The following COL20A1 variants were observed in gnomAD, a reference collection of about 807,000 sequenced individuals.
COL20A1 encodes collagen type XX alpha 1 chain, also known as collagen alpha-1(XX) chain.
In COL20A1, 164 loss-of-function variants were observed where a neutral mutation model predicts 152.9. That is an observed-to-expected ratio of 1.07 (90% CI 0.94 to 1.22). The LOEUF (loss-of-function observed/expected upper bound fraction) is 1.22, where lower values mean the gene tolerates loss of function less well. Ranked by LOEUF, COL20A1 falls within the 50% of genes most tolerant of loss-of-function variation. COL20A1 has a pLI of 0.00. For synonymous variants in COL20A1, 864 were observed against 756.0 expected, an observed-to-expected ratio of 1.14 and a Z score of -2.34; for missense variants, 1,873 against 1,744.8, an observed-to-expected ratio of 1.07 and a Z score of -1.31.
In COL20A1 at chr20:63,313,571, G is replaced by A. The variant is rs2068044916; in HGVS notation, c.2210-172G>A. Among the ~76,000 whole-genome samples, 1 of 152,116 alleles carries A rather than the reference G, an allele frequency of 6.6e-6. No homozygotes were observed. Among genetic ancestry groups the A allele is most frequent in the Admixed American group, 6.5e-5 (1 of 15,272 alleles). On this transcript the variant is annotated intron_variant, in intron 17 of 35. Transcript: ENST00000358894. This position sits in a 1 kb window ranked among gnomAD's most constrained non-coding sequence, Gnocchi z 5.9. ...TGGGGTGCGGTGTGGGCAGTGGCAG[G>A]GGTGTGGTGTGGTTGTGCCAGGGGG...
chr20:63,326,148 G>A lies in COL20A1; in HGVS notation c.3455G>A (p.Arg1152Lys). ...TAGLPGPPGP[R>K]GFQGMAGARG... Reference sequence around the variant, plus strand: ...GGCCTGCCTGGACCCCCTGGCCCCAGGGTAGGCACCGACCTCCCATGACCC... The same window carrying A: ...GGCCTGCCTGGACCCCCTGGCCCCAAGGTAGGCACCGACCTCCCATGACCC... The change falls in exon 30 of 36, where the codon AGG becomes AAG. Residue 1152 changes from arginine to lysine, a missense_variant and splice_region_variant. Arg to Lys is a conservative substitution (Grantham distance 26, BLOSUM62 2). Coordinates refer to ENST00000358894, the MANE Select transcript of COL20A1 (RefSeq NM_020882.4). 1 of 1,611,788 alleles carries A rather than the reference G, an allele frequency of 6.2e-7. No individual in the cohort carries two copies. Among genetic ancestry groups the A allele is most frequent in the South Asian group, 1.1e-5 (1 of 91,056 alleles).
intron 9 of COL20A1, 80 bp downstream of exon 9, chr20:63,309,577 C>A: frequency 7.4e-7 from 1 of 1,357,834 alleles, no homozygotes; most frequent in South Asian, 1.5e-5. Flanking sequence ...CTGTGGCTCC[C>A]GTGTGGTACC....
chr20:63,327,620 C>A (rs568181497), intron 31 of COL20A1: 4 of 351,672 alleles, frequency 1.1e-5, no homozygotes, highest in African/African-American at 8.3e-5. Context: ...GACCCGGGCC[C>A]GGGGCCCGGG....
At position 63,319,339 on chromosome 20, in the gene COL20A1, G is replaced by A. The variant is rs987191639; in HGVS notation, c.2806+139G>A. On this transcript the variant is annotated intron_variant, in intron 22 of 35. Transcript: ENST00000358894. This position sits in a 1 kb window ranked among gnomAD's most constrained non-coding sequence, Gnocchi z 4.4. ...CCTCTGGGTGGGAGGCAGGTGTCCC[G>A]GGCAGGGGGCTGTGGGCCACATTGA... 4.8e-5 allele frequency: 54 copies of A among 1,119,984 alleles called. No individual in the cohort carries two copies. Among genetic ancestry groups the A allele is most frequent in the African/African-American group, 6.3e-5 (4 of 63,912 alleles). 69.4% of individuals were successfully genotyped at this position (1,119,984 alleles called of 1,614,324 possible). A position where few individuals can be genotyped will look rare whatever the true frequency, so the allele number is the denominator to read the frequency against.
Position 63,333,830 on chromosome 20 carries a change from T to C in COL20A1, c.*3114T>C, listed in dbSNP as rs1306871098. The stretch of plus-strand genomic sequence containing the variant: ...TGTAGAGGAGCCTGCCCCGATGCCA[T>C]CTGCACCTGGGGGGCGACGTATGGC... On this transcript the variant is annotated 3_prime_UTR_variant, in exon 36 of 36. Transcript: ENST00000358894. 1.3e-5 allele frequency: 2 copies of C among 152,340 alleles called. No individual in the cohort carries two copies. The highest frequency in any genetic ancestry group is 2.4e-5 in the African/African-American group (1 of 41,434). 9.4% of individuals were successfully genotyped at this position (152,340 alleles called of 1,614,324 possible). A position where few individuals can be genotyped will look rare whatever the true frequency, so the allele number is the denominator to read the frequency against.
At chr20:63,328,922 G>C (rs1284427278) in intron 34 of COL20A1, among the ~76,000 whole-genome samples, 2 of 149,454 alleles carry the variant, frequency 1.3e-5, no homozygotes, top group Non-Finnish European at 3.0e-5. Flanking sequence ...GCAGGCTCCC[G>C]TGACCTTGTT....
At position 63,315,404 on chromosome 20, in the gene COL20A1, C is replaced by T; in HGVS notation, c.2489C>T (p.Ala830Val). The T allele has an allele frequency of 6.3e-7, 1 of 1,575,396 alleles. No homozygotes were observed. Residue 830 changes from alanine to valine, a missense_variant and splice_region_variant, in exon 20 of 36, where the codon GCC (alanine) becomes GTC (valine). Ala to Val is a moderately conservative substitution (Grantham distance 64). Coordinates refer to ENST00000358894, the MANE Select transcript of COL20A1 (RefSeq NM_020882.4). ...SEAVSATGQT[A>V]CPALRPDGSL... Reference sequence around the variant, plus strand: ...CACTGACCCTGTCTCCTCTCAGCAGCCTGCCCAGCCCTCCGCCCTGACGGC... The same window carrying T: ...CACTGACCCTGTCTCCTCTCAGCAGTCTGCCCAGCCCTCCGCCCTGACGGC...
At position 63,297,914 on chromosome 20, in the gene COL20A1, C is replaced by G; in HGVS notation, c.87C>G (p.Ser29Arg). The G allele has an allele frequency of 6.2e-7, 1 of 1,612,420 alleles. No individual in the cohort carries two copies. The highest frequency in any genetic ancestry group is 8.5e-7 in the Non-Finnish European group (1 of 1,179,074). Residue 29 changes from serine (S) to arginine (R), a missense_variant, in exon 3 of 36, where the codon AGC becomes AGG. Coordinates refer to ENST00000358894, the MANE Select transcript of COL20A1 (RefSeq NM_020882.4). ...CACTATGTCCTGTTTCTGTAGCAAG[C>G]GGTCTCCTGAGGCTGGCTGTGCTGC... is the stretch of plus-strand genomic sequence containing the variant. ...ATLGREQVQA[S>R]GLLRLAVLPE...
intron 18 of COL20A1, 43 bp from the exon 19 acceptor site, chr20:63,314,029 A>G: frequency 6.2e-7 from 1 of 1,611,762 alleles, no homozygotes. Flanking sequence ...GGACGAGCAA[A>G]GTTGCCCAGG....
chr20:63,308,183 C>G, intron 7 of COL20A1, 93 bp downstream of exon 7: 4 of 1,483,790 alleles, frequency 2.7e-6, no homozygotes, highest in Non-Finnish European at 2.8e-6. Context: ...AAATCGAGCT[C>G]CAAGTGGTGT....
At chr20:63,298,439 T>A (rs1269871699) in intron 3 of COL20A1, among the ~76,000 whole-genome samples, 1 of 151,982 alleles carries the variant, frequency 6.6e-6, no homozygotes, top group South Asian at 2.1e-4. Flanking sequence ...TACAGGTGCG[T>A]GCCACCACTC....
rs372211237 is a variant in COL20A1, at chr20:63,309,485, C to A, written c.1093C>A (p.Arg365=). ...ICQRLQGGSP[R]QGPAAAPALD... is the part of the protein sequence containing the mutation. ...CCAGAGGCTCCAGGGTGGGAGCCCG[C>A]GGCAGGGCCCAGGTGAGGGGCAGGG... Residue 365 remains arginine (R), a synonymous_variant, in exon 9 of 36, where the codon CGG becomes AGG. Coordinates refer to ENST00000358894, the MANE Select transcript of COL20A1 (RefSeq NM_020882.4). 3.3e-6 allele frequency: 5 copies of A among 1,521,008 alleles called. No individual in the cohort carries two copies. The highest frequency in any genetic ancestry group is 1.2e-5 in the South Asian group (1 of 81,748). The allele number at this position is 1,521,008 out of a possible 1,614,324, so 94.2% of individuals were successfully genotyped here.
intron 10 of COL20A1, 40 bp from the exon 11 acceptor site, chr20:63,310,341 A>AC (rs770459135): frequency 1.9e-6 from 3 of 1,603,298 alleles, no homozygotes; most frequent in African/African-American, 2.7e-5. Context: ...ATCCCCCGGC[A>AC]CCCCCCTTCC....
rs1160174234 is a variant in COL20A1, at chr20:63,309,323, T to C, written c.941-10T>C. On this transcript the variant is annotated splice_polypyrimidine_tract_variant and intron_variant, in intron 8 of 35. Coordinates refer to ENST00000358894, the MANE Select transcript of COL20A1 (RefSeq NM_020882.4). ...GTGCAGGCCAACCCCACCTCCCTCC[T>C]CACGAGCAGGTGTGAAGAACGCCGA... 1 of 1,453,240 alleles carries C rather than the reference T, an allele frequency of 6.9e-7. No homozygotes were observed. The highest frequency in any genetic ancestry group is 1.5e-5 in the South Asian group (1 of 66,580). 90.0% of individuals were successfully genotyped at this position (1,453,240 alleles called of 1,614,324 possible).
intron 3 of COL20A1, among the ~76,000 whole-genome samples, chr20:63,304,934 A>C (rs1019889006): frequency 6.6e-6 from 1 of 152,114 alleles, no homozygotes; most frequent in Non-Finnish European, 1.5e-5. Flanking sequence ...TTTGCTTTTC[A>C]CACTTGAAAT....
At position 63,313,898 on chromosome 20, in the gene COL20A1, CT is replaced by C. The variant is rs770230262; in HGVS notation, c.2358+9del. ...CTTGGGACCCGAGAAATCCGTGAGT[CT>C]TGGTAGAGCCTGAGGCTGCCCCACC... On this transcript the variant is annotated splice_region_variant and intron_variant, in intron 18 of 35. Coordinates refer to ENST00000358894, the MANE Select transcript of COL20A1 (RefSeq NM_020882.4). The surrounding 1 kb of genome is among the most constrained non-coding windows in gnomAD (Gnocchi z 5.9). The C allele has an allele frequency of 1.3e-6, 2 of 1,596,376 alleles. No homozygotes were observed. The highest frequency in any genetic ancestry group is 1.7e-6 in the Non-Finnish European group (2 of 1,171,942).
chr20:63,307,641 C>A lies in COL20A1; in HGVS notation c.648C>A (p.Val216=). 10 of 1,612,176 alleles carry A rather than the reference C, an allele frequency of 6.2e-6. No homozygotes were observed. Among genetic ancestry groups the A allele is most frequent in the Non-Finnish European group, 8.5e-6 (10 of 1,179,508 alleles). ...IAPFEIGPDK[V]QVGLTQYSGD... is the part of the protein sequence containing the mutation. ...CCTTTGAAATCGGGCCGGATAAGGT[C>A]CAAGTAGGTGGGTGCTGGCCCGGCC... The change falls in exon 6 of 36, where the codon GTC becomes GTA. Residue 216 remains valine (V), a synonymous_variant. Coordinates refer to ENST00000358894, the MANE Select transcript of COL20A1 (RefSeq NM_020882.4).
intron 29 of COL20A1, 150 bp downstream of exon 29, chr20:63,325,871 G>A (rs974771515): frequency 2.2e-5 from 18 of 819,406 alleles, no homozygotes; most frequent in Non-Finnish European, 3.1e-5. Context: ...CCTTCAGCCT[G>A]TGGCCTGGCC....
chr20:63,312,564 G>T lies in COL20A1; in HGVS notation c.1933+15G>T, dbSNP rs564888232. 23 of 1,560,812 alleles carry T rather than the reference G, an allele frequency of 1.5e-5. No individual in the cohort carries two copies. In the African/African-American group the frequency reaches 2.6e-4, roughly 18 times the overall value. On this transcript the variant is annotated intron_variant, in intron 15 of 35. Coordinates refer to ENST00000358894, the MANE Select transcript of COL20A1 (RefSeq NM_020882.4). The stretch of plus-strand genomic sequence containing the variant: ...GGTGACCACCAGTGAGTGGGGAGAG[G>T]CTGGGGCTGGGGGTCCAGCAGGGTT...
Sources: gnomAD v4.1 joint callset for allele counts (sites outside exome capture counted in the v4.1 genomes callset) on GRCh38, gnomAD v4.1.1 for gene constraint, Gnocchi (gnomAD v3.1) non-coding constraint, MANE v1.5 for transcripts, NCBI Gene and HGNC (gene_info 2026-07-23, HGNC 2026-07-21) for gene names.